The following TMED10 variants were observed in gnomAD, a reference collection of about 807,000 sequenced individuals.
The protein encoded by TMED10 is transmembrane emp24 domain-containing protein 10.
In TMED10, 7 loss-of-function variants were observed where a neutral mutation model predicts 23.1. That is an observed-to-expected ratio of 0.30 (90% CI 0.17 to 0.57). TMED10 has a LOEUF of 0.57. Ranked by LOEUF, TMED10 falls within the 20% of genes least tolerant of loss-of-function variation. The pLI is 0.91. For missense variants in TMED10, 162 were observed against 274.8 expected (o/e 0.59, Z 2.90); for synonymous variants, 113 against 106.9 (o/e 1.06, Z -0.35).
chr14:75,148,955 C>T (rs1895921860), intron 2 of TMED10, among the ~76,000 whole-genome samples: 1 of 152,176 alleles, frequency 6.6e-6, no homozygotes, highest in Non-Finnish European at 1.5e-5. Context: ...TCTTGTCTTC[C>T]AAGCTGGAGT....
At chr14:75,150,601 G>A (rs1895943615) in intron 2 of TMED10, among the ~76,000 whole-genome samples, 1 of 152,140 alleles carries the variant, frequency 6.6e-6, no homozygotes, top group South Asian at 2.1e-4. Context: ...TGTTCTAACT[G>A]CCTACAGTAT....
At position 75,176,512 on chromosome 14, in the gene TMED10, A is replaced by T; in HGVS notation, c.68T>A (p.Leu23Gln). Residue 23 changes from leucine (L) to glutamine (Q), a missense_variant, in exon 1 of 5, where the codon CTG becomes CAG. Leu to Gln is a moderately radical substitution (Grantham distance 113, BLOSUM62 -2). Around this residue, in one of 2 missense-constraint regions of TMED10, gnomAD observed 36 missense variants for 35.2 expected, o/e 1.02. Coordinates refer to ENST00000303575, the MANE Select transcript of TMED10 (RefSeq NM_006827.6). The stretch of plus-strand genomic sequence containing the variant: ...GGCAAGGACCAATCTGGGGCCGAGC[A>T]GGAACAAAAGCAGCAACGCTAACGG... ...PFPLALLLLFLLGPRLVLAIS... is the reference protein window; with the variant it reads ...PFPLALLLLFQLGPRLVLAIS... 1 of 1,614,216 alleles carries T rather than the reference A, an allele frequency of 6.2e-7. No homozygotes were observed. Among genetic ancestry groups the T allele is most frequent in the Non-Finnish European group, 8.5e-7 (1 of 1,180,028 alleles).
chr14:75,164,406 T>G (rs1594873456), intron 1 of TMED10, among the ~76,000 whole-genome samples: 1 of 150,292 alleles, frequency 6.7e-6, no homozygotes, highest in African/African-American at 2.5e-5. Context: ...TAATTTTTTA[T>G]TTTTTAAGTA....
intron 1 of TMED10, among the ~76,000 whole-genome samples, chr14:75,171,783 GTAA>G (rs1896237239): frequency 1.5e-5 from 1 of 65,996 alleles, no homozygotes; most frequent in Non-Finnish European, 3.6e-5. Flanking sequence ...TAAATCTGTG[GTAA>G]TTTGTTACAG....
At chr14:75,158,509 G>A (rs1036456847) in intron 1 of TMED10, among the ~76,000 whole-genome samples, 1 of 151,910 alleles carries the variant, frequency 6.6e-6, no homozygotes, top group Non-Finnish European at 1.5e-5. Context: ...CTTATTTTTT[G>A]TAGAGACAGG....
chr14:75,176,274 G>C, intron 1 of TMED10, 81 bp downstream of exon 1: 1 of 1,553,690 alleles, frequency 6.4e-7, no homozygotes. Flanking sequence ...GCCTCCGCCG[G>C]CCCGACTCCC....
chr14:75,134,570 C>A lies in TMED10; in HGVS notation c.*315G>T, dbSNP rs768185490. 2.5e-5 allele frequency: 6 copies of A among 243,372 alleles called. No individual in the cohort carries two copies. The highest frequency in any genetic ancestry group is 4.1e-5 in the Non-Finnish European group (5 of 120,996). The allele number at this position is 243,372 out of a possible 1,614,324, so 15.1% of individuals were successfully genotyped here. A position where few individuals can be genotyped will look rare whatever the true frequency, so the allele number is the denominator to read the frequency against. On this transcript the variant is annotated 3_prime_UTR_variant, in exon 5 of 5. Coordinates refer to ENST00000303575, the MANE Select transcript of TMED10 (RefSeq NM_006827.6). ...AAAAGAAAACATAGTCCAAACAGAT[C>A]ACACAAGGGAACCCAGGACAAATGC...
At chr14:75,160,603 C>G (rs930444665) in intron 1 of TMED10, among the ~76,000 whole-genome samples, 2 of 151,972 alleles carry the variant, frequency 1.3e-5, no homozygotes, top group East Asian at 3.9e-4. Flanking sequence ...ACAATAAATA[C>G]TTATAATAGT....
intron 3 of TMED10, among the ~76,000 whole-genome samples, chr14:75,145,886 G>A (rs1030829620): frequency 2.0e-5 from 3 of 152,144 alleles, no homozygotes; most frequent in Non-Finnish European, 4.4e-5. Context: ...ACTGAGAATG[G>A]TCCACAGTTC....
intron 1 of TMED10, among the ~76,000 whole-genome samples, chr14:75,158,559 C>T (rs977442384): frequency 2.0e-5 from 3 of 151,962 alleles, no homozygotes; most frequent in Non-Finnish European, 1.5e-5. Context: ...AACTCTTGAG[C>T]TCAAGTGATC....
intron 3 of TMED10, among the ~76,000 whole-genome samples, chr14:75,137,957 C>T: frequency 6.6e-6 from 1 of 152,106 alleles, no homozygotes; most frequent in East Asian, 1.9e-4. Context: ...GATCCATCCA[C>T]CTCGACCTCC....
At chr14:75,143,283 T>G (rs947637569) in intron 3 of TMED10, among the ~76,000 whole-genome samples, 1 of 152,206 alleles carries the variant, frequency 6.6e-6, no homozygotes, top group African/African-American at 2.4e-5. Context: ...AAAGCCTTTT[T>G]CTGTATAACA....
intron 1 of TMED10, among the ~76,000 whole-genome samples, chr14:75,166,327 TTTC>T (rs1896162864): frequency 6.6e-6 from 1 of 152,214 alleles, no homozygotes; most frequent in Non-Finnish European, 1.5e-5. Flanking sequence ...AGCTGGCTGA[TTTC>T]ACAGAGGGCT....
rs1389191141 is a variant in TMED10 at position 75,131,690 on chromosome 14, A to G, written c.*3195T>C. On this transcript the variant is annotated 3_prime_UTR_variant, in exon 5 of 5. Coordinates refer to ENST00000303575, the MANE Select transcript of TMED10 (RefSeq NM_006827.6). ...TGGATAATATGCTCAAAAATGGAGG[A>G]AAGCACATAACACCCGATTTTAAAG... 2.6e-5 allele frequency: 4 copies of G among 152,472 alleles called. No individual in the cohort carries two copies. The highest frequency in any genetic ancestry group is 9.6e-5 in the African/African-American group (4 of 41,468). The allele number at this position is 152,472 out of a possible 1,614,324, so 9.4% of individuals were successfully genotyped here.
At chr14:75,169,116 A>G (rs945178774) in intron 1 of TMED10, among the ~76,000 whole-genome samples, 8 of 152,236 alleles carry the variant, frequency 5.3e-5, no homozygotes, top group Non-Finnish European at 1.0e-4. Flanking sequence ...TCGTCTGTTC[A>G]CTAATTCCTT....
At chr14:75,144,483 T>C (rs1031852314) in intron 3 of TMED10, among the ~76,000 whole-genome samples, 2 of 152,228 alleles carry the variant, frequency 1.3e-5, no homozygotes, top group Non-Finnish European at 2.9e-5. Context: ...TTCCAAATAA[T>C]ATCATCTTAC....
intron 3 of TMED10, among the ~76,000 whole-genome samples, chr14:75,136,289 GC>G (rs1478590191): frequency 6.6e-6 from 1 of 152,086 alleles, no homozygotes; most frequent in East Asian, 1.9e-4. Flanking sequence ...ATCCCAAGTA[GC>G]TGGGACCACA....
intron 3 of TMED10, among the ~76,000 whole-genome samples, chr14:75,137,687 A>G (rs1895768941): frequency 8.1e-6 from 1 of 122,874 alleles, no homozygotes; most frequent in South Asian, 2.8e-4. Flanking sequence ...AAAAAAAAAA[A>G]AAAATTCTGT....
rs760550057 is a variant in TMED10 at position 75,132,151 on chromosome 14, G to T, written c.*2734C>A. On this transcript the variant is annotated 3_prime_UTR_variant, in exon 5 of 5. Transcript: ENST00000303575. ...GCGTGTAATCCCAGCACTTTGGGAG[G>T]CTGAGGCAGGCAGATCACTTGAGGT... 1 of 152,258 alleles carries T rather than the reference G, an allele frequency of 6.6e-6. No homozygotes were observed. The highest frequency in any genetic ancestry group is 2.4e-5 in the African/African-American group (1 of 41,444). 9.4% of individuals were successfully genotyped at this position (152,258 alleles called of 1,614,324 possible).
Sources: gnomAD v4.1 joint callset for allele counts (sites outside exome capture counted in the v4.1 genomes callset) on GRCh38, gnomAD v4.1.1 for gene constraint, gnomAD v4.1.1 regional missense constraint, MANE v1.5 for transcripts, NCBI Gene and HGNC (gene_info 2026-07-23, HGNC 2026-07-21) for gene names.